CLEC4F: variants seen among roughly 807,000 people sequenced by gnomAD.
CLEC4F encodes the protein C-type lectin domain family 4 member F.
Under a neutral mutation model 53.4 loss-of-function variants are expected in CLEC4F, and 45 were observed. The ratio of observed to expected loss-of-function variants is 0.84; its 90% CI spans 0.66 to 1.08. The LOEUF (loss-of-function observed/expected upper bound fraction) is 1.08. Among genes scored for constraint, CLEC4F ranks in the 50% least tolerant of loss-of-function variants. The pLI is 0.00. For synonymous variants in CLEC4F, 245 were observed against 257.5 expected (o/e 0.95, Z 0.46); for missense variants, 753 against 698.2 (o/e 1.08, Z -0.88).
At chr2:70,811,293 G>A in intron 5 of CLEC4F, 1 of 1,037,784 alleles carries the variant, frequency 9.6e-7, no homozygotes, top group Non-Finnish European at 1.5e-6. Context: ...TTGGCCTTTA[G>A]GTGCTTCAAG....
intron 4 of CLEC4F, among the ~76,000 whole-genome samples, chr2:70,813,507 TTTC>T (rs1676678154): frequency 1.3e-5 from 1 of 76,802 alleles, no homozygotes; most frequent in African/African-American, 4.0e-5. Flanking sequence ...TCTTTCTTTC[TTTC>T]TTTTCTTTCT....
rs113107996 is a variant in CLEC4F, at chr2:70,818,783, G to C, written c.268+572C>G. ...CAAAGGAGAACATCTTTGTAGCCTT[G>C]GATTAGGCAGATTTCTCACATACGA... On this transcript the variant is annotated intron_variant, in intron 3 of 6. Coordinates refer to ENST00000272367, the MANE Select transcript of CLEC4F (RefSeq NM_173535.3). Among the ~76,000 whole-genome samples the C allele has an allele frequency of 3.9e-3, 587 of 150,662 alleles. 7 individuals are homozygous for C. The highest frequency in any genetic ancestry group is 0.013 in the African/African-American group (545 of 40,936).
In CLEC4F at chr2:70,818,745, CA is replaced by C. The variant is rs532866741; in HGVS notation, c.268+609del. Among the ~76,000 whole-genome samples the C allele has an allele frequency of 1.3e-4, 20 of 151,470 alleles. No homozygotes were observed. The East Asian group carries it at 3.7e-3, about 28-fold the overall frequency. ...ACAAAAACTAAAACTAAAAACTGTACAATTTCCAGAAACAAAGGAGAACATC... is the reference window on the plus strand; with the variant it reads ...ACAAAAACTAAAACTAAAAACTGTACATTTCCAGAAACAAAGGAGAACATC... On this transcript the variant is annotated intron_variant, in intron 3 of 6. Coordinates refer to ENST00000272367, the MANE Select transcript of CLEC4F (RefSeq NM_173535.3).
chr2:70,816,284 A>T lies in CLEC4F; in HGVS notation c.1097T>A (p.Met366Lys). The change falls in exon 4 of 7, where the codon ATG (methionine) becomes AAG (lysine). Residue 366 changes from methionine (M) to lysine (K), a missense_variant. Coordinates refer to ENST00000272367, the MANE Select transcript of CLEC4F (RefSeq NM_173535.3). ...DTQIQVFKSEMENVNTLNAQI... is the reference protein window; with the variant it reads ...DTQIQVFKSEKENVNTLNAQI... ...GGCATTTAAGGTATTCACATTTTCC[A>T]TCTCTGACTTGAATACCTGAATCTG... 6.2e-7 allele frequency: 1 copy of T among 1,614,182 alleles called. No individual in the cohort carries two copies. Among genetic ancestry groups the T allele is most frequent in the Non-Finnish European group, 8.5e-7 (1 of 1,180,026 alleles).
upstream of CLEC4F, among the ~76,000 whole-genome samples, chr2:70,824,315 A>T (rs1232388782): frequency 6.7e-6 from 1 of 148,830 alleles, no homozygotes; most frequent in African/African-American, 2.5e-5. Flanking sequence ...TCGTCTCCTA[A>T]CTGTTCTCCC....
In CLEC4F at chr2:70,809,394, AG is replaced by A. The variant is rs1553393585; in HGVS notation, c.1659-13del. 3 of 1,591,108 alleles carry A rather than the reference AG, an allele frequency of 1.9e-6. No homozygotes were observed. The highest frequency in any genetic ancestry group is 2.2e-5 in the East Asian group (1 of 44,598). On this transcript the variant is annotated splice_polypyrimidine_tract_variant and intron_variant, in intron 6 of 6. Transcript: ENST00000272367. ...CCTTGGAACCAGGCCTGAGTAGGGC[AG>A]GGGGAAAAAAACAGAAAGACCCACT...
intron 3 of CLEC4F, among the ~76,000 whole-genome samples, chr2:70,817,817 C>T (rs1252930736): frequency 1.3e-5 from 2 of 152,148 alleles, no homozygotes; most frequent in Non-Finnish European, 2.9e-5. Context: ...AGCCAGCACC[C>T]CCAGTGTTAC....
At chr2:70,809,641 C>A in intron 6 of CLEC4F, 98 bp downstream of exon 6, 1 of 970,300 alleles carries the variant, frequency 1.0e-6, no homozygotes, top group South Asian at 1.3e-5. Context: ...CACACATATA[C>A]ACACAACACT....
At chr2:70,811,026 T>C in intron 5 of CLEC4F, 2 of 622,564 alleles carry the variant, frequency 3.2e-6, no homozygotes, top group African/African-American at 1.8e-5. Context: ...CTACAGATGA[T>C]TCCTTTATGC....
In CLEC4F at chr2:70,808,982, C is replaced by T; in HGVS notation, c.*289G>A. ...TTGCACACCCACTGATAGGGGGTGT[C>T]ACAGGTCATGTCATTCCACTTCTGC... On this transcript the variant is annotated 3_prime_UTR_variant, in exon 7 of 7. Coordinates refer to ENST00000272367, the MANE Select transcript of CLEC4F (RefSeq NM_173535.3). The T allele has an allele frequency of 5.9e-6, 7 of 1,193,582 alleles. No individual in the cohort carries two copies. The highest frequency in any genetic ancestry group is 8.3e-6 in the Non-Finnish European group (7 of 842,224). 73.9% of individuals were successfully genotyped at this position (1,193,582 alleles called of 1,614,324 possible).
rs373834534 is a variant in CLEC4F, at chr2:70,816,536, T to C, written c.845A>G (p.Asn282Ser). ...TTCCTTTAGTCCCTGGATCTCAGCA[T>C]TGGCTCCTTCCAAACTATTTCTTAA... is the stretch of plus-strand genomic sequence containing the variant. ...QVLRNSLEGA[N>S]AEIQGLKENL... Residue 282 changes from asparagine (N) to serine (S), a missense_variant, in exon 4 of 7, where the codon AAT becomes AGT. By Grantham distance (46) the Asn-to-Ser change is conservative. Transcript: ENST00000272367. 55 of 1,614,034 alleles carry C rather than the reference T, an allele frequency of 3.4e-5. No individual in the cohort carries two copies. The highest frequency in any genetic ancestry group is 3.4e-5 in the Non-Finnish European group (40 of 1,180,048).
intron 3 of CLEC4F, among the ~76,000 whole-genome samples, chr2:70,818,528 G>A (rs1293046385): frequency 2.0e-5 from 3 of 152,012 alleles, no homozygotes; most frequent in Non-Finnish European, 2.9e-5. Context: ...TGGCTAACAC[G>A]GTGAAACTCC....
chr2:70,824,037 AGAAAGAAAG>A (rs369844511), upstream of CLEC4F, among the ~76,000 whole-genome samples: 229 of 121,102 alleles, frequency 1.9e-3, no homozygotes, highest in Middle Eastern at 4.9e-3. Context: ...AAAAAAAAAA[AGAAAGAAAG>A]AAAGAAAGAA....
At chr2:70,820,685 C>G (rs550886134), upstream of CLEC4F, 1 of 659,348 alleles carries the variant, frequency 1.5e-6, no homozygotes, top group African/African-American at 1.8e-5. Context: ...CTGCAGAAAC[C>G]CGCCCCAGTG....
chr2:70,812,494 C>T lies in CLEC4F; in HGVS notation c.1492G>A (p.Val498Met), dbSNP rs113999331. The T allele has an allele frequency of 1.9e-3, 3,040 of 1,614,166 alleles. 32 individuals carry two copies. In the African/African-American group the frequency reaches 0.03, roughly 16 times the overall value. The part of the protein sequence containing the change: ...KSWHEAEQFC[V>M]SQGAHLASVA... ...GATGCCAGATGGGCTCCCTGGGACA[C>T]GCAGAACTGCTCAGCCTCATGCCAA... Residue 498 changes from valine to methionine, a missense_variant, in exon 5 of 7, where the codon GTG becomes ATG. Physicochemically the swap from Val to Met is conservative, Grantham distance 21. Transcript: ENST00000272367.
upstream of CLEC4F, among the ~76,000 whole-genome samples, chr2:70,821,305 C>T (rs1335243374): frequency 6.6e-6 from 1 of 152,136 alleles, no homozygotes; most frequent in Non-Finnish European, 1.5e-5. Flanking sequence ...TGGGTTTATG[C>T]TAATGAGGTG....
chr2:70,810,960 A>G, intron 5 of CLEC4F: 1 of 556,294 alleles, frequency 1.8e-6, no homozygotes, highest in Non-Finnish European at 3.5e-6. Context: ...GCCAATGATG[A>G]AAATAAACAT....
chr2:70,817,770 A>T (rs1360103997), intron 3 of CLEC4F, among the ~76,000 whole-genome samples: 1 of 152,216 alleles, frequency 6.6e-6, no homozygotes, highest in African/African-American at 2.4e-5. Context: ...CCTCCAGGTA[A>T]CTAACACTGG....
intron 5 of CLEC4F, chr2:70,810,668 C>T (rs1256707284): frequency 1.3e-5 from 2 of 156,460 alleles, no homozygotes; most frequent in Non-Finnish European, 1.4e-5. Flanking sequence ...AAGGCAAACA[C>T]AGGATACAAA....
Sources: allele counts gnomAD v4.1 joint callset (sites outside exome capture counted in the v4.1 genomes callset), GRCh38; gene constraint gnomAD v4.1.1; transcripts MANE v1.5; gene names NCBI Gene and HGNC (gene_info 2026-07-23, HGNC 2026-07-21).